Variants in CHODL observed in about 807,000 individuals in gnomAD.
CHODL encodes the protein chondrolectin.
Under a neutral mutation model 34.5 loss-of-function variants are expected in CHODL, and 29 were observed. The ratio of observed to expected loss-of-function variants is 0.84; its 90% CI spans 0.63 to 1.15. The LOEUF is 1.15. Ranked by LOEUF, CHODL falls within the 50% of genes most tolerant of loss-of-function variation. The probability of loss-of-function intolerance (pLI) is 0.00; values close to 1 mark genes in which losing one functional copy is unlikely to be tolerated. For missense variants in CHODL, 332 were observed against 332.5 expected (o/e 1.00, Z 0.01); for synonymous variants, 125 against 116.1 (o/e 1.08, Z -0.49).
At chr21:18,233,658 G>A (rs1303286620) in intron 2 of CHODL, among the ~76,000 whole-genome samples, 1 of 151,872 alleles carries the variant, frequency 6.6e-6, no homozygotes, top group Non-Finnish European at 1.5e-5. Flanking sequence ...TAAAACACCG[G>A]AGCCAATATT....
intron 2 of CHODL, among the ~76,000 whole-genome samples, chr21:18,124,235 G>C (rs17836112): frequency 0.079 from 12,054 of 152,170 alleles, 522 homozygotes; most frequent in East Asian, 0.17. Flanking sequence ...TCCAGTTTCA[G>C]TTATTGTATG....
Position 18,256,767 on chromosome 21 carries a change from G to T in CHODL, c.338G>T (p.Gly113Val). 1 of 1,614,088 alleles carries T rather than the reference G, an allele frequency of 6.2e-7. No individual in the cohort carries two copies. Among genetic ancestry groups the T allele is most frequent in the East Asian group, 2.2e-5 (1 of 44,880 alleles). The change falls in exon 2 of 6, where the codon GGT (glycine) becomes GTT (valine). Residue 113 changes from glycine (G) to valine (V), a missense_variant. Physicochemically the swap from Gly to Val is moderately radical, Grantham distance 109 (BLOSUM62 -3). Transcript: ENST00000299295. ...LWRNGDGQTS[G>V]ACPDLYQWSD... is the part of the protein sequence containing the mutation. ...AGGAATGGAGATGGGCAAACATCTGGTGCCTGCCCAGATCTCTACCAGTGG... is the reference window on the plus strand; with the variant it reads ...AGGAATGGAGATGGGCAAACATCTGTTGCCTGCCCAGATCTCTACCAGTGG...
chr21:18,022,793 A>C (rs577792471), intron 1 of CHODL, among the ~76,000 whole-genome samples: 2 of 152,332 alleles, frequency 1.3e-5, no homozygotes, highest in South Asian at 4.1e-4. Flanking sequence ...AGAAACTCCT[A>C]GATGTTGTGT....
chr21:18,037,185 A>G (rs2064321258), intron 2 of CHODL, among the ~76,000 whole-genome samples: 1 of 151,972 alleles, frequency 6.6e-6, no homozygotes, highest in Admixed American at 6.6e-5. Flanking sequence ...TTCTGATACT[A>G]ATAATTAGAA....
intron 2 of CHODL, among the ~76,000 whole-genome samples, chr21:18,104,824 A>G (rs1175854971): frequency 6.6e-6 from 1 of 152,250 alleles, no homozygotes; most frequent in African/African-American, 2.4e-5. Flanking sequence ...TAGAGGATGT[A>G]AAATCTATTT....
intron 2 of CHODL, among the ~76,000 whole-genome samples, chr21:18,043,194 T>C (rs918931633): frequency 1.3e-5 from 2 of 151,974 alleles, no homozygotes; most frequent in Admixed American, 1.3e-4. Flanking sequence ...AGAAAACTCA[T>C]TGCAGGGCTA....
In CHODL at chr21:17,918,748, C is replaced by T. The variant is rs900930369; in HGVS notation, c.-145+1348C>T. 5.3e-5 allele frequency among the ~76,000 whole-genome samples: 8 copies of T among 152,294 alleles called. No individual in the cohort carries two copies. In the East Asian group the frequency reaches 9.6e-4, roughly 18 times the overall value. On this transcript the variant is annotated intron_variant, in intron 1 of 6. Coordinates refer to the CHODL transcript ENST00000400127. ...AAGGCTTAACTCATTTCAGCATTAA[C>T]TCAGAAGTCTACAGTCCTAAGTCTT...
In CHODL at chr21:18,172,894, G is replaced by A. The variant is rs1213792602; in HGVS notation, c.-44-83615G>A. ...AGCTGAAATCAGGGTGTCATCTTGG[G>A]GTAGGTTCTCATCTGGAGCTGTGGT... On this transcript the variant is annotated intron_variant, in intron 2 of 6. Coordinates refer to the CHODL transcript ENST00000400127. 2.0e-5 allele frequency among the ~76,000 whole-genome samples: 3 copies of A among 152,126 alleles called. No homozygotes were observed. The East Asian group carries it at 5.8e-4, about 29-fold the overall frequency.
intron 1 of CHODL, among the ~76,000 whole-genome samples, chr21:17,965,911 AT>A (rs34819022): frequency 0.012 from 1,759 of 144,980 alleles, 29 homozygotes; most frequent in African/African-American, 0.04. Context: ...AGAGAAGGTA[AT>A]TTTTTTTTTT....
rs10617165 is a variant in CHODL at position 17,963,073 on chromosome 21, A to AAATAAT, written c.-145+45691_-145+45696dup. On this transcript the variant is annotated intron_variant, in intron 1 of 6. Transcript: ENST00000400127. ...AGCGAGACTATGTCTCAAAAAAAAA[A>AAATAAT]AATAATAATAATAATAATAATAACT... Among the ~76,000 whole-genome samples the AAATAAT allele has an allele frequency of 1.1e-4, 10 of 87,628 alleles. No individual in the cohort carries two copies. In the South Asian group the frequency reaches 3.1e-3, roughly 27 times the overall value. 57.5% of individuals were successfully genotyped at this position (87,628 alleles called of 152,430 possible).
chr21:17,974,013 G>C (rs2063641083), intron 1 of CHODL, among the ~76,000 whole-genome samples: 5 of 152,108 alleles, frequency 3.3e-5, no homozygotes, highest in Admixed American at 3.3e-4. Context: ...AAATGACAAT[G>C]GCTTATCTAC....
chr21:18,118,513 ACT>A (rs1388380586), intron 2 of CHODL, among the ~76,000 whole-genome samples: 2 of 152,100 alleles, frequency 1.3e-5, no homozygotes, highest in Admixed American at 6.6e-5. Flanking sequence ...ATCATAAATC[ACT>A]CTTCCAATAA....
intron 1 of CHODL, among the ~76,000 whole-genome samples, chr21:18,249,150 T>G (rs913941466): frequency 7.3e-6 from 1 of 137,312 alleles, no homozygotes; most frequent in African/African-American, 2.7e-5. Flanking sequence ...TATATATATA[T>G]AAAGGAGTCC....
intron 2 of CHODL, among the ~76,000 whole-genome samples, chr21:18,176,122 A>G (rs2073307786): frequency 1.3e-5 from 2 of 152,256 alleles, no homozygotes; most frequent in South Asian, 4.1e-4. Flanking sequence ...ATGACTGAAT[A>G]AGATCACCTA....
chr21:18,133,164 C>T (rs1017755340), intron 2 of CHODL, among the ~76,000 whole-genome samples: 1 of 152,058 alleles, frequency 6.6e-6, no homozygotes, highest in African/African-American at 2.4e-5. Context: ...GGCTTTCTGG[C>T]AGTTTTCTGA....
At chr21:18,157,808 T>C (rs2073051815) in intron 2 of CHODL, among the ~76,000 whole-genome samples, 2 of 152,212 alleles carry the variant, frequency 1.3e-5, no homozygotes, top group African/African-American at 2.4e-5. Flanking sequence ...ATTTGACATA[T>C]ACCAAATGGT....
intron 2 of CHODL, among the ~76,000 whole-genome samples, chr21:18,032,063 C>T (rs945800954): frequency 1.3e-5 from 2 of 151,910 alleles, no homozygotes; most frequent in African/African-American, 4.8e-5. Context: ...AGAACTCAAA[C>T]CAGGTAGGGG....
intron 1 of CHODL, among the ~76,000 whole-genome samples, chr21:17,943,365 T>C (rs1190182462): frequency 6.6e-6 from 1 of 152,172 alleles, no homozygotes; most frequent in Non-Finnish European, 1.5e-5. Context: ...GATTTTGGAC[T>C]TGCCTAAAAA....
chr21:18,002,797 G>A (rs2063918929), intron 1 of CHODL, among the ~76,000 whole-genome samples: 1 of 152,150 alleles, frequency 6.6e-6, no homozygotes, highest in Admixed American at 6.5e-5. Context: ...ACTGGTGCTT[G>A]TAGGATGGAT....
Sources: allele counts gnomAD v4.1 joint callset (sites outside exome capture counted in the v4.1 genomes callset), GRCh38; gene constraint gnomAD v4.1.1; transcripts MANE v1.5; gene names NCBI Gene and HGNC (gene_info 2026-07-23, HGNC 2026-07-21).